Variants in KCTD16 observed in about 807,000 individuals in gnomAD.
The protein encoded by KCTD16 is potassium channel tetramerization domain containing 16.
KCTD16 carries 13 observed loss-of-function variants against 33.2 expected under a neutral mutation model. The observed-to-expected ratio is 0.39, with a 90% CI of 0.25 to 0.62. KCTD16 has a LOEUF of 0.62. Ranked by LOEUF, KCTD16 falls within the 20% of genes least tolerant of loss-of-function variation. The probability of loss-of-function intolerance (pLI) is 0.50; values close to 1 mark genes in which losing one functional copy is unlikely to be tolerated. For missense variants in KCTD16, 441 were observed against 525.1 expected (o/e 0.84, Z 1.57); for synonymous variants, 197 against 195.3 (o/e 1.01, Z -0.07).
intron 2 of KCTD16, chr5:144,205,814 A>G (rs1178583597): frequency 2.7e-6 from 1 of 372,726 alleles, no homozygotes; most frequent in Non-Finnish European, 4.7e-6. Flanking sequence ...ATGAACACAT[A>G]TGTACCTACA....
intron 3 of KCTD16, among the ~76,000 whole-genome samples, chr5:144,334,745 T>C (rs1194674704): frequency 6.6e-6 from 1 of 152,138 alleles, no homozygotes; most frequent in Non-Finnish European, 1.5e-5. Flanking sequence ...ACCTGGCAGA[T>C]ACATTCCAGA....
intron 3 of KCTD16, among the ~76,000 whole-genome samples, chr5:144,342,024 T>A (rs1407504406): frequency 1.3e-5 from 2 of 152,214 alleles, no homozygotes; most frequent in African/African-American, 4.8e-5. Context: ...ATGGGACTGT[T>A]TTATTATGTT....
intron 3 of KCTD16, among the ~76,000 whole-genome samples, chr5:144,244,572 A>G (rs1754498287): frequency 1.3e-5 from 2 of 152,204 alleles, no homozygotes; most frequent in South Asian, 2.1e-4. Context: ...GATATACTTT[A>G]TGGTCAGGTC....
In KCTD16 at chr5:144,476,168, G is replaced by GTT. The variant is rs1754590890; in HGVS notation, c.*2054_*2055insTT. 1 of 152,160 alleles carries GTT rather than the reference G, an allele frequency of 6.6e-6. No homozygotes were observed. The highest frequency in any genetic ancestry group is 6.6e-5 in the Admixed American group (1 of 15,266). The allele number at this position is 152,160 out of a possible 1,614,324, so 9.4% of individuals were successfully genotyped here. On this transcript the variant is annotated 3_prime_UTR_variant, in exon 4 of 4. Transcript: ENST00000512467. ...AGAAGATCTTGCAAAGAATCACAGA[G>GTT]CTTAATGGGTCAAGAAGTTGAATTT... is the stretch of plus-strand genomic sequence containing the variant.
intron 3 of KCTD16, among the ~76,000 whole-genome samples, chr5:144,231,062 C>T (rs1754086720): frequency 6.6e-6 from 1 of 152,166 alleles, no homozygotes; most frequent in Non-Finnish European, 1.5e-5. Flanking sequence ...TGGACTTTAT[C>T]CTGGATGGTG....
At chr5:144,465,183 C>CT (rs1754295147) in intron 3 of KCTD16, among the ~76,000 whole-genome samples, 2 of 96,414 alleles carry the variant, frequency 2.1e-5, no homozygotes, top group Non-Finnish European at 4.1e-5. Context: ...TCTCTCTCTC[C>CT]CCCCCCTCTC....
At chr5:144,435,801 T>G (rs1477929126) in intron 3 of KCTD16, among the ~76,000 whole-genome samples, 1 of 151,230 alleles carries the variant, frequency 6.6e-6, no homozygotes, top group African/African-American at 2.4e-5. Flanking sequence ...TTTGTGTGCT[T>G]TGTGTGTGTG....
chr5:144,360,481 G>GAGCGC (rs1751683950), intron 3 of KCTD16, among the ~76,000 whole-genome samples: 1 of 151,656 alleles, frequency 6.6e-6, no homozygotes, highest in African/African-American at 2.4e-5. Context: ...GCCCAGGCTG[G>GAGCGC]AGTGCAGTGG....
intron 3 of KCTD16, among the ~76,000 whole-genome samples, chr5:144,434,097 A>T (rs1422569811): frequency 6.6e-6 from 1 of 152,148 alleles, no homozygotes; most frequent in Non-Finnish European, 1.5e-5. Context: ...AATGAAACTA[A>T]AGGATCCACT....
In KCTD16 at chr5:144,481,536, A is replaced by C. The variant is rs888878693; in HGVS notation, c.*7422A>C. On this transcript the variant is annotated 3_prime_UTR_variant, in exon 4 of 4. Coordinates refer to ENST00000512467, the MANE Select transcript of KCTD16 (RefSeq NM_020768.4). ...TTTATTAGAACACAATTTGTGTCTG[A>C]AATGATTTGACATTTTTCTTTTAAT... 6.6e-6 allele frequency: 1 copy of C among 151,934 alleles called. No individual in the cohort carries two copies. The highest frequency in any genetic ancestry group is 1.5e-5 in the Non-Finnish European group (1 of 67,912). 9.4% of individuals were successfully genotyped at this position (151,934 alleles called of 1,614,324 possible). A position where few individuals can be genotyped will look rare whatever the true frequency, so the allele number is the denominator to read the frequency against.
chr5:144,474,720 T>C lies in KCTD16; in HGVS notation c.*606T>C, dbSNP rs1028603168. 2.0e-5 allele frequency: 3 copies of C among 152,688 alleles called. No individual in the cohort carries two copies. Among genetic ancestry groups the C allele is most frequent in the African/African-American group, 7.2e-5 (3 of 41,456 alleles). 9.5% of individuals were successfully genotyped at this position (152,688 alleles called of 1,614,324 possible). ...GCCAGGGCCTAGACCTCCCAAGGGC[T>C]GTGCTCCTGCTCCCAGCAGCCCTCT... On this transcript the variant is annotated 3_prime_UTR_variant, in exon 4 of 4. Coordinates refer to ENST00000512467, the MANE Select transcript of KCTD16 (RefSeq NM_020768.4).
chr5:144,415,942 G>A lies in KCTD16; in HGVS notation c.833-57718G>A, dbSNP rs189627823. Among the ~76,000 whole-genome samples the A allele has an allele frequency of 5.5e-3, 834 of 152,286 alleles. 4 individuals are homozygous for A. Among genetic ancestry groups the A allele is most frequent in the African/African-American group, 0.019 (786 of 41,572 alleles). ...AAAATGATTGGGTGCTGAGGGAAAA[G>A]AAATTGAATTTTCTTTTAGAAAGTT... On this transcript the variant is annotated intron_variant, in intron 3 of 3. Transcript: ENST00000512467.
intron 3 of KCTD16, 75 bp from the exon 4 acceptor site, chr5:144,473,585 A>T: frequency 7.7e-7 from 1 of 1,294,936 alleles, no homozygotes; most frequent in Admixed American, 2.2e-5. Context: ...GTTTCTGTGT[A>T]TGTCCAAGTG....
chr5:144,202,425 T>A (rs1263577411), intron 2 of KCTD16, among the ~76,000 whole-genome samples: 1 of 152,190 alleles, frequency 6.6e-6, no homozygotes, highest in Non-Finnish European at 1.5e-5. Context: ...CTTCAAGTCT[T>A]TTATCTTTTT....
intron 3 of KCTD16, among the ~76,000 whole-genome samples, chr5:144,257,588 A>G (rs966736109): frequency 6.6e-6 from 1 of 151,836 alleles, no homozygotes; most frequent in Non-Finnish European, 1.5e-5. Context: ...TCCTGGGTTC[A>G]CGCCATTCTC....
rs1029800499 is a variant in KCTD16, at chr5:144,482,022, A to G, written c.*7908A>G. The G allele has an allele frequency of 6.6e-6, 1 of 151,980 alleles. No homozygotes were observed. Among genetic ancestry groups the G allele is most frequent in the African/African-American group, 2.4e-5 (1 of 41,408 alleles). The allele number at this position is 151,980 out of a possible 1,614,324, so 9.4% of individuals were successfully genotyped here. A position where few individuals can be genotyped will look rare whatever the true frequency, so the allele number is the denominator to read the frequency against. On this transcript the variant is annotated 3_prime_UTR_variant, in exon 4 of 4. Coordinates refer to ENST00000512467, the MANE Select transcript of KCTD16 (RefSeq NM_020768.4). ...TCAGTGAGGCTCAGAAAGATAAAGT[A>G]GCACATAAAGGCTCATAGCTAAAAA...
At chr5:144,399,041 G>A (rs1580931844) in intron 3 of KCTD16, among the ~76,000 whole-genome samples, 1 of 152,154 alleles carries the variant, frequency 6.6e-6, no homozygotes, top group Non-Finnish European at 1.5e-5. Context: ...ATACAGAGGA[G>A]CAATACACTC....
At chr5:144,408,018 C>T (rs1752850210) in intron 3 of KCTD16, among the ~76,000 whole-genome samples, 1 of 152,124 alleles carries the variant, frequency 6.6e-6, no homozygotes, top group Admixed American at 6.5e-5. Context: ...GTGCATGTGT[C>T]TTTATAGTAG....
chr5:144,210,947 A>G (rs150691989), intron 3 of KCTD16, among the ~76,000 whole-genome samples: 1 of 152,306 alleles, frequency 6.6e-6, no homozygotes, highest in Non-Finnish European at 1.5e-5. Flanking sequence ...CTGAAAACAT[A>G]CACTCTGAAT....
Sources: allele counts gnomAD v4.1 joint callset (sites outside exome capture counted in the v4.1 genomes callset), GRCh38; gene constraint gnomAD v4.1.1; transcripts MANE v1.5; gene names NCBI Gene and HGNC (gene_info 2026-07-23, HGNC 2026-07-21).